RNGTT: variants seen among roughly 807,000 people sequenced by gnomAD.
RNGTT encodes the protein RNA guanylyltransferase and 5'-phosphatase, also known as mRNA-capping enzyme.
RNGTT carries 33 observed loss-of-function variants against 79.3 expected under a neutral mutation model. The ratio of observed to expected loss-of-function variants is 0.42; its 90% CI spans 0.32 to 0.56. RNGTT has a LOEUF of 0.56. Ranked by LOEUF, RNGTT falls within the 20% of genes least tolerant of loss-of-function variation. The pLI, the probability that RNGTT is intolerant of heterozygous loss-of-function variation, is 0.17. For synonymous variants in RNGTT, 222 were observed against 235.9 expected (o/e 0.94, Z 0.54); for missense variants, 497 against 739.1 (o/e 0.67, Z 3.80).
intron 15 of RNGTT, among the ~76,000 whole-genome samples, chr6:88,613,574 A>G (rs951219703): frequency 6.6e-6 from 1 of 152,226 alleles, no homozygotes; most frequent in Non-Finnish European, 1.5e-5. Flanking sequence ...TTAGCTTATC[A>G]TATCATCATC....
At chr6:88,630,179 T>G (rs1772800389) in intron 14 of RNGTT, among the ~76,000 whole-genome samples, 1 of 152,124 alleles carries the variant, frequency 6.6e-6, no homozygotes, top group Non-Finnish European at 1.5e-5. Flanking sequence ...TATTCAAAAT[T>G]GGAGAAAACT....
intron 13 of RNGTT, among the ~76,000 whole-genome samples, chr6:88,728,052 C>T (rs1007670528): frequency 2.0e-5 from 3 of 152,090 alleles, no homozygotes; most frequent in Admixed American, 1.3e-4. Flanking sequence ...TCATCACACC[C>T]GAGTCAAGAA....
chr6:88,615,120 A>C (rs1261386367), intron 14 of RNGTT, among the ~76,000 whole-genome samples: 1 of 152,212 alleles, frequency 6.6e-6, no homozygotes, highest in African/African-American at 2.4e-5. Flanking sequence ...CTGGGCTGTG[A>C]GAATGGTTTT....
chr6:88,686,864 CA>C (rs1456219236), intron 13 of RNGTT, among the ~76,000 whole-genome samples: 1 of 151,004 alleles, frequency 6.6e-6, no homozygotes, highest in East Asian at 1.9e-4. Context: ...AATCTAAGTA[CA>C]AAAAAAGGAG....
intron 13 of RNGTT, among the ~76,000 whole-genome samples, chr6:88,720,533 T>C (rs1776673398): frequency 6.6e-6 from 1 of 152,066 alleles, no homozygotes; most frequent in African/African-American, 2.4e-5. Context: ...GACAAAAAAC[T>C]TACCCTCCCA....
At chr6:88,927,662 CAA>C (rs35564169) in intron 4 of RNGTT, among the ~76,000 whole-genome samples, 217 of 136,696 alleles carry the variant, frequency 1.6e-3, no homozygotes, top group African/African-American at 3.8e-3. Context: ...AACTCCATCT[CAA>C]AAAAAAAAAA....
chr6:88,926,091 TTAAA>T (rs1306289234), intron 4 of RNGTT, among the ~76,000 whole-genome samples: 2 of 152,254 alleles, frequency 1.3e-5, no homozygotes, highest in African/African-American at 4.8e-5. Flanking sequence ...TACTCCAGAA[TTAAA>T]TAAATATTTA....
At chr6:88,821,461 T>C (rs1780494010) in intron 11 of RNGTT, among the ~76,000 whole-genome samples, 1 of 152,036 alleles carries the variant, frequency 6.6e-6, no homozygotes, top group South Asian at 2.1e-4. Flanking sequence ...TTTGAGGAAC[T>C]ATCCAATAAT....
At chr6:88,820,970 TG>T (rs1164031673) in intron 11 of RNGTT, among the ~76,000 whole-genome samples, 2 of 152,108 alleles carry the variant, frequency 1.3e-5, no homozygotes, top group Non-Finnish European at 2.9e-5. Flanking sequence ...AAAGGTTGTA[TG>T]GAGAGGCAAA....
intron 14 of RNGTT, among the ~76,000 whole-genome samples, chr6:88,642,028 T>TGAGA (rs138018201): frequency 2.1e-4 from 31 of 149,502 alleles, no homozygotes; most frequent in South Asian, 4.2e-4. Flanking sequence ...CCTTGTCATT[T>TGAGA]GAGAGAGAGA....
intron 13 of RNGTT, among the ~76,000 whole-genome samples, chr6:88,709,668 GAT>G (rs1191126475): frequency 6.6e-6 from 1 of 152,190 alleles, no homozygotes; most frequent in Non-Finnish European, 1.5e-5. Context: ...TTATCAGTGA[GAT>G]ATTTTACATT....
chr6:88,900,396 C>T (rs1783408465), intron 6 of RNGTT, among the ~76,000 whole-genome samples: 1 of 152,116 alleles, frequency 6.6e-6, no homozygotes, highest in Admixed American at 6.6e-5. Context: ...AGTTTAACAG[C>T]AGCTTAGACA....
At chr6:88,850,299 C>T (rs1470222841) in intron 9 of RNGTT, among the ~76,000 whole-genome samples, 5 of 151,834 alleles carry the variant, frequency 3.3e-5, no homozygotes, top group African/African-American at 9.7e-5. Flanking sequence ...TGTGGCCTTT[C>T]TTGGTTTCAT....
At chr6:88,911,034 G>T (rs115666085) in intron 4 of RNGTT, among the ~76,000 whole-genome samples, 14 of 152,120 alleles carry the variant, frequency 9.2e-5, no homozygotes, top group African/African-American at 3.4e-4. Flanking sequence ...AAAAATACAC[G>T]TAAGTACACA....
chr6:88,742,764 T>TAA (rs1431707739), intron 13 of RNGTT, among the ~76,000 whole-genome samples: 1 of 152,196 alleles, frequency 6.6e-6, no homozygotes, highest in East Asian at 1.9e-4. Flanking sequence ...ACTTAAAGTG[T>TAA]AAAGGTGATT....
intron 12 of RNGTT, among the ~76,000 whole-genome samples, chr6:88,799,104 T>C (rs915296593): frequency 6.6e-6 from 1 of 151,606 alleles, no homozygotes; most frequent in African/African-American, 2.4e-5. Flanking sequence ...TATTTAGAAG[T>C]TACCATAACA....
intron 11 of RNGTT, among the ~76,000 whole-genome samples, chr6:88,832,616 G>C (rs2127890049): frequency 6.6e-6 from 1 of 152,210 alleles, no homozygotes; most frequent in East Asian, 1.9e-4. Context: ...CTTGTGCACA[G>C]CAAAAGAAAT....
At chr6:88,676,353 T>C (rs1475717822) in intron 14 of RNGTT, among the ~76,000 whole-genome samples, 4 of 152,010 alleles carry the variant, frequency 2.6e-5, no homozygotes, top group Non-Finnish European at 5.9e-5. Context: ...AAAAAATATG[T>C]TTGAGAGTAA....
At position 88,612,652 on chromosome 6, in the gene RNGTT, C is replaced by T. The variant is rs1772069370; in HGVS notation, c.*67G>A. On this transcript the variant is annotated 3_prime_UTR_variant, in exon 16 of 16. Transcript: ENST00000369485. ...AGTCGTTTTTCAATTTCTCTGGCTA[C>T]AAAAATGGGCAACAGCGTTTTTTCC... is the stretch of plus-strand genomic sequence containing the variant. 7.5e-7 allele frequency: 1 copy of T among 1,327,572 alleles called. No individual in the cohort carries two copies. Among genetic ancestry groups the T allele is most frequent in the Admixed American group, 2.1e-5 (1 of 46,874 alleles). The allele number at this position is 1,327,572 out of a possible 1,614,324, so 82.2% of individuals were successfully genotyped here. A position where few individuals can be genotyped will look rare whatever the true frequency, so the allele number is the denominator to read the frequency against.
Sources: gnomAD v4.1 joint callset for allele counts (sites outside exome capture counted in the v4.1 genomes callset) on GRCh38, gnomAD v4.1.1 for gene constraint, MANE v1.5 for transcripts, NCBI Gene and HGNC (gene_info 2026-07-23, HGNC 2026-07-21) for gene names.